RNF115: variants seen among roughly 807,000 people sequenced by gnomAD.
The protein encoded by RNF115 is ring finger protein 115.
Under a neutral mutation model 39.2 loss-of-function variants are expected in RNF115, and 31 were observed. The observed-to-expected ratio is 0.79, with a 90% CI of 0.59 to 1.07. The LOEUF is 1.07. Among genes scored for constraint, RNF115 ranks in the 50% least tolerant of loss-of-function variants. The pLI, the probability that RNF115 is intolerant of heterozygous loss-of-function variation, is 0.00. For missense variants in RNF115, 384 were observed against 381.7 expected (o/e 1.01, Z -0.05); for synonymous variants, 124 against 131.0 (o/e 0.95, Z 0.37).
intron 3 of RNF115, among the ~76,000 whole-genome samples, chr1:145,775,765 G>T (rs1280620977): frequency 1.3e-5 from 2 of 152,086 alleles, no homozygotes; most frequent in Non-Finnish European, 2.9e-5. Flanking sequence ...GGCTAAGGCG[G>T]TGGGGGGGAT....
At chr1:145,767,191 G>GCCTC (rs1647363806) in intron 4 of RNF115, among the ~76,000 whole-genome samples, 1 of 151,698 alleles carries the variant, frequency 6.6e-6, no homozygotes, top group Admixed American at 6.6e-5. Context: ...TGGCTGCCGG[G>GCCTC]CGGAGACGCT....
chr1:145,801,513 G>GA (rs1649243006), intron 1 of RNF115, among the ~76,000 whole-genome samples: 1 of 151,970 alleles, frequency 6.6e-6, no homozygotes, highest in African/African-American at 2.4e-5. Flanking sequence ...TGCAGTGAGT[G>GA]AAAGAGTGAG....
chr1:145,789,023 C>A, intron 1 of RNF115, 57 bp from the exon 2 acceptor site: 1 of 1,096,610 alleles, frequency 9.1e-7, no homozygotes, highest in Non-Finnish European at 1.4e-6. Context: ...TACGTGGTAT[C>A]TGTAGTTTCA....
intron 5 of RNF115, among the ~76,000 whole-genome samples, chr1:145,752,284 T>C (rs918239142): frequency 6.6e-6 from 1 of 152,154 alleles, no homozygotes; most frequent in Non-Finnish European, 1.5e-5. Flanking sequence ...AAGTTCAGCA[T>C]AATGTTTTCA....
Position 145,755,237 on chromosome 1 carries a change from CA to C in RNF115, c.429-2189del, listed in dbSNP as rs1461860581. 5.1e-3 allele frequency among the ~76,000 whole-genome samples: 653 copies of C among 128,966 alleles called. 5 individuals are homozygous for C. Among genetic ancestry groups the C allele is most frequent in the African/African-American group, 0.015 (531 of 34,674 alleles). The allele number at this position is 128,966 out of a possible 152,430, so 84.6% of individuals were successfully genotyped here. On this transcript the variant is annotated intron_variant, in intron 4 of 8. Transcript: ENST00000582693. ...AGCCTGGGTGACAGAGACTTTGCCT[CA>C]AAAAAAAAAAGGTGGGGGGCGGGGG...
intron 1 of RNF115, among the ~76,000 whole-genome samples, chr1:145,809,488 A>ATTTTTTTTTTTTTTTTTTTT (rs781918386): frequency 1.7e-4 from 8 of 46,344 alleles, no homozygotes; most frequent in African/African-American, 7.7e-4. Context: ...GACCCAGCTA[A>ATTTTTTTTTTTTTTTTTTTT]TTTTTTTTTT....
chr1:145,769,917 G>A (rs1311124232), intron 4 of RNF115, among the ~76,000 whole-genome samples: 2 of 152,088 alleles, frequency 1.3e-5, no homozygotes, highest in African/African-American at 4.8e-5. Context: ...TGAAGTGGGA[G>A]GATTGCTTGA....
intron 2 of RNF115, among the ~76,000 whole-genome samples, chr1:145,787,628 TG>T (rs1648449345): frequency 4.7e-5 from 7 of 150,332 alleles, no homozygotes. Context: ...GGCTCATGCC[TG>T]TAATCCCAGC....
Position 145,814,236 on chromosome 1 carries a change from G to A in RNF115, c.102+9536C>T, listed in dbSNP as rs188115226. The stretch of plus-strand genomic sequence containing the variant: ...GATCATGCCACTGCACTCCAACCTG[G>A]GCAACAAAGTCAGACTCTGTCTCCA... On this transcript the variant is annotated intron_variant, in intron 1 of 8. Coordinates refer to ENST00000582693, the MANE Select transcript of RNF115 (RefSeq NM_014455.4). Among the ~76,000 whole-genome samples the A allele has an allele frequency of 1.0e-3, 157 of 151,848 alleles. 3 individuals are homozygous for A. Among genetic ancestry groups the A allele is most frequent in the Admixed American group, 5.1e-3 (78 of 15,222 alleles).
chr1:145,823,397 G>T (rs1421192430), intron 1 of RNF115, among the ~76,000 whole-genome samples: 2 of 143,378 alleles, frequency 1.4e-5, no homozygotes, highest in African/African-American at 5.1e-5. Flanking sequence ...ACAGAGGAAG[G>T]TGAGAAGACA....
intron 1 of RNF115, among the ~76,000 whole-genome samples, chr1:145,820,673 T>A (rs2770176): frequency 4.7e-4 from 71 of 151,986 alleles, no homozygotes; most frequent in Admixed American, 2.8e-3. Flanking sequence ...GAGGTGGAGG[T>A]TGTAGTGAAC....
At chr1:145,815,262 G>A (rs1440308605) in intron 1 of RNF115, among the ~76,000 whole-genome samples, 1 of 152,308 alleles carries the variant, frequency 6.6e-6, no homozygotes, top group Non-Finnish European at 1.5e-5. Context: ...CAAAGAAGAT[G>A]ATAAAATAAG....
chr1:145,788,966 C>A lies in RNF115; in HGVS notation c.103G>T (p.Glu35Ter). ...CKGEVSPKLP[E>*]YICPRCESGF... is the part of the protein sequence containing the mutation. ...GATTCACATCTGGGACATATATATT[C>A]CTATAAAAGAAAGGAAGAAACAAAT... is the stretch of plus-strand genomic sequence containing the variant. The change falls in exon 2 of 9, where the codon GAA (glutamate) becomes TAA (stop). Residue 35 changes from glutamate (E) to a stop codon, truncating the protein, a stop_gained and splice_region_variant. Coordinates refer to ENST00000582693, the MANE Select transcript of RNF115 (RefSeq NM_014455.4). LOFTEE classifies it high-confidence loss of function. 6.3e-7 allele frequency: 1 copy of A among 1,578,846 alleles called. No individual in the cohort carries two copies. Among genetic ancestry groups the A allele is most frequent in the South Asian group, 1.1e-5 (1 of 89,972 alleles).
intron 1 of RNF115, among the ~76,000 whole-genome samples, chr1:145,792,722 T>C (rs587714118): frequency 1.3e-5 from 2 of 152,266 alleles, no homozygotes; most frequent in South Asian, 2.1e-4. Context: ...ACCATGATGA[T>C]AGAAAACAGC....
chr1:145,787,348 C>T (rs587679110), intron 2 of RNF115, among the ~76,000 whole-genome samples: 16 of 152,170 alleles, frequency 1.1e-4, no homozygotes, highest in East Asian at 9.7e-4. Context: ...CCAAGATGGG[C>T]GGATCACGAG....
chr1:145,777,146 A>G (rs1322380378), intron 3 of RNF115, among the ~76,000 whole-genome samples: 4 of 152,236 alleles, frequency 2.6e-5, no homozygotes, highest in East Asian at 1.9e-4. Flanking sequence ...TAAGAAATCT[A>G]TGATTCCCTT....
intron 4 of RNF115, among the ~76,000 whole-genome samples, chr1:145,765,526 C>A (rs1354389307): frequency 1.3e-5 from 2 of 152,098 alleles, no homozygotes; most frequent in Non-Finnish European, 2.9e-5. Flanking sequence ...AATTTCCTTG[C>A]TGATTCTATA....
intron 4 of RNF115, among the ~76,000 whole-genome samples, chr1:145,764,143 T>C (rs1381510983): frequency 1.3e-5 from 2 of 152,228 alleles, no homozygotes; most frequent in Non-Finnish European, 2.9e-5. Context: ...CTCCAGCTCC[T>C]AACCGCGAGT....
chr1:145,800,602 T>A lies in RNF115; in HGVS notation c.103-11636A>T, dbSNP rs782346515. Reference sequence around the variant, plus strand: ...CATAAGTTTAGACTACTCTGCTGGATAAAGAGGCCATCTCAAAGAGCACTG... The same window carrying A: ...CATAAGTTTAGACTACTCTGCTGGAAAAAGAGGCCATCTCAAAGAGCACTG... On this transcript the variant is annotated intron_variant, in intron 1 of 8. Coordinates refer to ENST00000582693, the MANE Select transcript of RNF115 (RefSeq NM_014455.4). Among the ~76,000 whole-genome samples the A allele has an allele frequency of 2.0e-5, 3 of 152,116 alleles. 1 individual carries two copies. The South Asian group carries it at 6.2e-4, about 32-fold the overall frequency.
Sources: allele counts gnomAD v4.1 joint callset (sites outside exome capture counted in the v4.1 genomes callset), GRCh38; gene constraint gnomAD v4.1.1; transcripts MANE v1.5; gene names NCBI Gene and HGNC (gene_info 2026-07-23, HGNC 2026-07-21).